The following CSMD1 variants were observed in gnomAD, a reference collection of about 807,000 sequenced individuals.
The protein encoded by CSMD1 is CUB and sushi domain-containing protein 1.
In CSMD1, 213 loss-of-function variants were observed where a neutral mutation model predicts 417.5. That is an observed-to-expected ratio of 0.51 (90% confidence interval 0.46 to 0.57). CSMD1 has a LOEUF of 0.57. CSMD1 is among the 20% of genes least tolerant of loss of function. CSMD1 has a pLI of 0.00. For missense variants in CSMD1, 6,923 were observed against 4,529.7 expected (o/e 1.53, Z -15.17); for synonymous variants, 2,862 against 1,736.8 (o/e 1.65, Z -16.11).
In CSMD1 at chr8:4,626,627, G is replaced by C. The variant is rs115825968; in HGVS notation, c.302+10715C>G. 4.1e-3 allele frequency among the ~76,000 whole-genome samples: 630 copies of C among 152,166 alleles called. 2 individuals carry two copies. Among genetic ancestry groups the C allele is most frequent in the African/African-American group, 0.015 (609 of 41,516 alleles). On this transcript the variant is annotated intron_variant, in intron 2 of 69. Coordinates refer to ENST00000635120, the MANE Select transcript of CSMD1 (RefSeq NM_033225.6). Reference sequence around the variant, plus strand: ...GTCAGGACCGCAGGGGGCAGGGTGTGGGAGGGCAGGGCGCCAGCTTGATTC... The same window carrying C: ...GTCAGGACCGCAGGGGGCAGGGTGTCGGAGGGCAGGGCGCCAGCTTGATTC...
chr8:3,293,513 CTTTG>C (rs980896020), intron 25 of CSMD1, among the ~76,000 whole-genome samples: 86 of 152,238 alleles, frequency 5.6e-4, no homozygotes, highest in African/African-American at 1.9e-3. Context: ...TTCTTGGAGG[CTTTG>C]TTTGTTTCTT....
chr8:4,386,334 C>A (rs534270259), intron 3 of CSMD1, among the ~76,000 whole-genome samples: 1 of 150,934 alleles, frequency 6.6e-6, no homozygotes, highest in East Asian at 2.0e-4. Context: ...CTTCCGTCCT[C>A]GGTTATGACT....
At chr8:4,287,592 A>T (rs1797129741) in intron 3 of CSMD1, among the ~76,000 whole-genome samples, 1 of 152,022 alleles carries the variant, frequency 6.6e-6, no homozygotes, top group African/African-American at 2.4e-5. Context: ...ATTACCTTCC[A>T]GGGACCAGGT....
intron 1 of CSMD1, among the ~76,000 whole-genome samples, chr8:4,947,696 C>A (rs1808462027): frequency 6.6e-6 from 1 of 152,050 alleles, no homozygotes; most frequent in Non-Finnish European, 1.5e-5. Context: ...ATAAATTCAT[C>A]ATAAATATAT....
intron 5 of CSMD1, among the ~76,000 whole-genome samples, chr8:3,944,015 T>A (rs977310591): frequency 2.0e-5 from 3 of 152,136 alleles, no homozygotes; most frequent in African/African-American, 7.2e-5. Flanking sequence ...TTGACTTTAA[T>A]AGTTATACTG....
At chr8:4,010,900 G>C (rs943384013) in intron 4 of CSMD1, among the ~76,000 whole-genome samples, 2 of 152,068 alleles carry the variant, frequency 1.3e-5, no homozygotes, top group Admixed American at 6.6e-5. Context: ...ATACTGAAAG[G>C]TCTAACTTTA....
chr8:3,227,662 A>G (rs1230207273), intron 27 of CSMD1, among the ~76,000 whole-genome samples: 1 of 152,222 alleles, frequency 6.6e-6, no homozygotes, highest in Non-Finnish European at 1.5e-5. Flanking sequence ...GTCACTAAAA[A>G]CGAGTAGAAA....
intron 1 of CSMD1, among the ~76,000 whole-genome samples, chr8:4,921,454 T>C (rs916866852): frequency 6.6e-6 from 1 of 152,254 alleles, no homozygotes; most frequent in Non-Finnish European, 1.5e-5. Context: ...AAGATAAGAA[T>C]GTCTTTATAC....
intron 12 of CSMD1, among the ~76,000 whole-genome samples, chr8:3,422,043 T>A (rs1813524626): frequency 2.0e-5 from 3 of 146,422 alleles, no homozygotes. Flanking sequence ...TGAGCCACCA[T>A]GTCCAGCCCT....
chr8:3,364,940 T>C (rs984721793), intron 20 of CSMD1, among the ~76,000 whole-genome samples: 3 of 152,244 alleles, frequency 2.0e-5, no homozygotes, highest in Admixed American at 6.5e-5. Flanking sequence ...ACTGATGCAG[T>C]AAAATGAATA....
chr8:3,466,806 A>C (rs1176117658), intron 12 of CSMD1, among the ~76,000 whole-genome samples: 1 of 152,104 alleles, frequency 6.6e-6, no homozygotes, highest in Non-Finnish European at 1.5e-5. Flanking sequence ...CATAAAGGTC[A>C]CTTTTATAAG....
At chr8:3,255,144 C>G (rs1414616854) in intron 26 of CSMD1, among the ~76,000 whole-genome samples, 1 of 152,172 alleles carries the variant, frequency 6.6e-6, no homozygotes, top group Non-Finnish European at 1.5e-5. Flanking sequence ...ACTCCAGAAC[C>G]TATTTGCCTG....
At chr8:4,439,709 T>G (rs970999684) in intron 2 of CSMD1, among the ~76,000 whole-genome samples, 2 of 152,122 alleles carry the variant, frequency 1.3e-5, no homozygotes, top group African/African-American at 4.8e-5. Flanking sequence ...TTAAATTTAG[T>G]TAGGTTTTGA....
chr8:3,961,396 T>C (rs1441136371), intron 5 of CSMD1, among the ~76,000 whole-genome samples: 3 of 152,204 alleles, frequency 2.0e-5, no homozygotes, highest in South Asian at 2.1e-4. Context: ...CTGTACACAG[T>C]TTCAGTTTAT....
At chr8:4,226,846 A>T (rs904748390) in intron 3 of CSMD1, among the ~76,000 whole-genome samples, 1 of 152,240 alleles carries the variant, frequency 6.6e-6, no homozygotes, top group African/African-American at 2.4e-5. Context: ...AAATGCATGT[A>T]GTCTCCCCCT....
intron 2 of CSMD1, among the ~76,000 whole-genome samples, chr8:4,494,704 T>G (rs955989768): frequency 3.9e-5 from 6 of 152,172 alleles, no homozygotes; most frequent in African/African-American, 1.4e-4. Context: ...GCCTTTGAAT[T>G]CCAGTCAGTT....
At chr8:3,520,417 TA>T (rs1440658329) in intron 10 of CSMD1, among the ~76,000 whole-genome samples, 5 of 152,148 alleles carry the variant, frequency 3.3e-5, no homozygotes, top group East Asian at 1.9e-4. Context: ...CACATACAGC[TA>T]AAAAAGCATA....
chr8:4,506,833 A>G (rs985103321), intron 2 of CSMD1, among the ~76,000 whole-genome samples: 1 of 152,254 alleles, frequency 6.6e-6, no homozygotes, highest in Non-Finnish European at 1.5e-5. Context: ...AAATTAGGAT[A>G]GAAATCCATG....
At chr8:3,312,749 CGTTAAACT>C (rs1805446834) in intron 23 of CSMD1, among the ~76,000 whole-genome samples, 1 of 152,120 alleles carries the variant, frequency 6.6e-6, no homozygotes, top group South Asian at 2.1e-4. Flanking sequence ...CTGCCTCCAC[CGTTAAACT>C]GTGCCCTTAG....
Sources: allele counts gnomAD v4.1 joint callset (sites outside exome capture counted in the v4.1 genomes callset), GRCh38; gene constraint gnomAD v4.1.1; transcripts MANE v1.5; gene names NCBI Gene and HGNC (gene_info 2026-07-23, HGNC 2026-07-21).